VAX2: variants seen among roughly 807,000 people sequenced by gnomAD.
VAX2 encodes the protein ventral anterior homeobox 2.
Under a neutral mutation model 12.5 loss-of-function variants are expected in VAX2, and 8 were observed. The observed-to-expected ratio is 0.64, with a 90% CI of 0.37 to 1.15. The LOEUF (loss-of-function observed/expected upper bound fraction) is 1.15. Ranked by LOEUF, VAX2 falls within the 50% of genes most tolerant of loss-of-function variation. The pLI is 0.01. For synonymous variants in VAX2, 183 were observed against 187.6 expected (o/e 0.98, Z 0.20); for missense variants, 476 against 412.9 (o/e 1.15, Z -1.32).
intron 1 of VAX2, among the ~76,000 whole-genome samples, chr2:70,915,466 G>A (rs1553411829): frequency 6.6e-6 from 1 of 151,882 alleles, no homozygotes. Context: ...CTGACCTCAG[G>A]TGATCCACCT....
At chr2:70,920,190 G>A (rs1572894457) in intron 1 of VAX2, among the ~76,000 whole-genome samples, 1 of 152,182 alleles carries the variant, frequency 6.6e-6, no homozygotes, top group South Asian at 2.1e-4. Flanking sequence ...AATCCTACAG[G>A]ATGTGATGCT....
intron 2 of VAX2, among the ~76,000 whole-genome samples, chr2:70,927,681 T>C (rs1238668130): frequency 6.6e-6 from 1 of 152,018 alleles, no homozygotes; most frequent in African/African-American, 2.4e-5. Context: ...AATTCCTCTG[T>C]AGTCCTGGCA....
chr2:70,914,800 T>TA (rs200875607), intron 1 of VAX2, among the ~76,000 whole-genome samples: 3 of 139,918 alleles, frequency 2.1e-5, no homozygotes, highest in Admixed American at 7.3e-5. Flanking sequence ...GCTATTTACT[T>TA]AAATTTTTTT....
chr2:70,925,795 G>A (rs1303275857), intron 2 of VAX2, among the ~76,000 whole-genome samples: 1 of 152,172 alleles, frequency 6.6e-6, no homozygotes, highest in Non-Finnish European at 1.5e-5. Flanking sequence ...TTTTGGGCCC[G>A]AGGGATTCAG....
At position 70,932,755 on chromosome 2, in the gene VAX2, C is replaced by T; in HGVS notation, c.436-12C>T. ...CCATCTCCCTCCTTGACACCCCCTC[C>T]CCCACCCCAAGGTGAAGGTCTGGTT... On this transcript the variant is annotated splice_polypyrimidine_tract_variant and intron_variant, in intron 2 of 2. Transcript: ENST00000234392. The T allele has an allele frequency of 6.5e-7, 1 of 1,529,374 alleles. No homozygotes were observed. Among genetic ancestry groups the T allele is most frequent in the African/African-American group, 1.4e-5 (1 of 71,884 alleles). 94.7% of individuals were successfully genotyped at this position (1,529,374 alleles called of 1,614,324 possible).
At chr2:70,909,798 C>G (rs1212969345) in intron 1 of VAX2, among the ~76,000 whole-genome samples, 1 of 152,036 alleles carries the variant, frequency 6.6e-6, no homozygotes, top group African/African-American at 2.4e-5. Context: ...TTTAACTAGT[C>G]CTCTATTAAT....
intron 1 of VAX2, among the ~76,000 whole-genome samples, chr2:70,902,041 G>A (rs1328417797): frequency 6.6e-6 from 1 of 152,258 alleles, no homozygotes; most frequent in African/African-American, 2.4e-5. Context: ...GCCTGGGGAA[G>A]GCGAACAGGC....
chr2:70,923,225 C>T (rs1679498479), intron 2 of VAX2, among the ~76,000 whole-genome samples: 1 of 152,164 alleles, frequency 6.6e-6, no homozygotes, highest in African/African-American at 2.4e-5. Flanking sequence ...CTTCCTCTGT[C>T]CCCAGTCCTA....
intron 1 of VAX2, among the ~76,000 whole-genome samples, chr2:70,908,484 TG>T (rs1272611300): frequency 6.6e-5 from 10 of 152,256 alleles, no homozygotes; most frequent in Admixed American, 2.0e-4. Flanking sequence ...ACTTTTTGTT[TG>T]TTTTTTTTAT....
At chr2:70,931,887 C>T (rs574468760) in intron 2 of VAX2, among the ~76,000 whole-genome samples, 15 of 152,344 alleles carry the variant, frequency 9.8e-5, no homozygotes, top group African/African-American at 3.4e-4. Flanking sequence ...TTTTCTCTTG[C>T]CCCAGCCCTC....
In VAX2 at chr2:70,900,649, CG is replaced by C; in HGVS notation, c.32del (p.Gly11AlafsTer129). 7.8e-7 allele frequency: 1 copy of C among 1,278,172 alleles called. No individual in the cohort carries two copies. Among genetic ancestry groups the C allele is most frequent in the Non-Finnish European group, 9.9e-7 (1 of 1,012,350 alleles). The allele number at this position is 1,278,172 out of a possible 1,614,324, so 79.2% of individuals were successfully genotyped here. A position where few individuals can be genotyped will look rare whatever the true frequency, so the allele number is the denominator to read the frequency against. ...GGGCGATGGGGGCGCCGAGCGCGAC[CG>C]GGGCCCCGCGCGCCGGGCGGAGTCT... MGDGGAERD[R>X]GPARRAESGG... On this transcript the variant is annotated frameshift_variant, in exon 1 of 3. Coordinates refer to ENST00000234392, the MANE Select transcript of VAX2 (RefSeq NM_012476.3). LOFTEE classifies it high-confidence loss of function.
At position 70,914,805 on chromosome 2, in the gene VAX2, T is replaced by A. The variant is rs968387784; in HGVS notation, c.248-6293T>A. On this transcript the variant is annotated intron_variant, in intron 1 of 2. Coordinates refer to ENST00000234392, the MANE Select transcript of VAX2 (RefSeq NM_012476.3). The stretch of plus-strand genomic sequence containing the variant: ...ATTTTATCAGGCTATTTACTTAAAT[T>A]TTTTTTTTTTTTTTTGAGACAGAGT... 3.4e-3 allele frequency among the ~76,000 whole-genome samples: 291 copies of A among 86,438 alleles called. 6 individuals are homozygous for A. The highest frequency in any genetic ancestry group is 0.024 in the Middle Eastern group (4 of 164). 56.7% of individuals were successfully genotyped at this position (86,438 alleles called of 152,430 possible). A position where few individuals can be genotyped will look rare whatever the true frequency, so the allele number is the denominator to read the frequency against.
Position 70,912,268 on chromosome 2 carries a change from T to C in VAX2, c.248-8830T>C, listed in dbSNP as rs534715040. On this transcript the variant is annotated intron_variant, in intron 1 of 2. Coordinates refer to ENST00000234392, the MANE Select transcript of VAX2 (RefSeq NM_012476.3). Reference sequence around the variant, plus strand: ...GTTGACTATCCTTGCATTTTCAATGTTCCCAATAAACTTGAGAATGAATTT... The same window carrying C: ...GTTGACTATCCTTGCATTTTCAATGCTCCCAATAAACTTGAGAATGAATTT... 3.9e-5 allele frequency among the ~76,000 whole-genome samples: 6 copies of C among 152,344 alleles called. No individual in the cohort carries two copies. In the South Asian group the frequency reaches 1.2e-3, roughly 32 times the overall value.
intron 2 of VAX2, among the ~76,000 whole-genome samples, chr2:70,922,771 A>C (rs1679487330): frequency 6.6e-6 from 1 of 152,088 alleles, no homozygotes; most frequent in South Asian, 2.1e-4. Context: ...GCTCCCAAAC[A>C]ACCCTGCGGG....
Position 70,933,105 on chromosome 2 carries a change from G to C in VAX2, c.774G>C (p.Leu258=), listed in dbSNP as rs1261603914. The C allele has an allele frequency of 1.9e-6, 3 of 1,609,508 alleles. No homozygotes were observed. Among genetic ancestry groups the C allele is most frequent in the Non-Finnish European group, 2.5e-6 (3 of 1,178,296 alleles). The change falls in exon 3 of 3, where the codon CTG becomes CTC. Residue 258 remains leucine (L), a synonymous_variant. Transcript: ENST00000234392. ...VCFSSAPLLD[L]PAGYELGSSA... ...TTTCCTCGGCCCCGCTCCTGGATCTGCCTGCCGGCTACGAACTGGGTTCCT... is the reference window on the plus strand; with the variant it reads ...TTTCCTCGGCCCCGCTCCTGGATCTCCCTGCCGGCTACGAACTGGGTTCCT...
chr2:70,911,740 GAAT>G (rs1411248895), intron 1 of VAX2, among the ~76,000 whole-genome samples: 1 of 152,042 alleles, frequency 6.6e-6, no homozygotes, highest in East Asian at 1.9e-4. Flanking sequence ...CTTCTTCTCT[GAAT>G]AATTTGTTCG....
rs2234500 is a variant in VAX2 at position 70,933,092 on chromosome 2, C to G, written c.761C>G (p.Pro254Arg). Reference sequence around the variant, plus strand: ...CCAGCTGTCTGCTTTTCCTCGGCCCCGCTCCTGGATCTGCCTGCCGGCTAC... The same window carrying G: ...CCAGCTGTCTGCTTTTCCTCGGCCCGGCTCCTGGATCTGCCTGCCGGCTAC... ...PLPAVCFSSA[P>R]LLDLPAGYEL... The change falls in exon 3 of 3, where the codon CCG (proline) becomes CGG (arginine). Residue 254 changes from proline to arginine, a missense_variant. Transcript: ENST00000234392. 0.1 allele frequency: 166,440 copies of G among 1,609,712 alleles called. 10,290 individuals carry two copies. Among genetic ancestry groups the G allele is most frequent in the East Asian group, 0.21 (9,448 of 44,662 alleles).
Position 70,933,326 on chromosome 2 carries a change from G to GC in VAX2, c.*128dup, listed in dbSNP as rs1641735871. The GC allele has an allele frequency of 2.0e-6, 2 of 1,014,050 alleles. No homozygotes were observed. The highest frequency in any genetic ancestry group is 2.6e-6 in the Non-Finnish European group (2 of 755,374). 62.8% of individuals were successfully genotyped at this position (1,014,050 alleles called of 1,614,324 possible). ...TGCAGCCACACACTCTTCCCCACCT[G>GC]CCCCCCAGCTCAGAGACTCGTGACC... On this transcript the variant is annotated 3_prime_UTR_variant, in exon 3 of 3. Transcript: ENST00000234392.
chr2:70,908,185 G>A (rs969739893), intron 1 of VAX2, among the ~76,000 whole-genome samples: 3 of 152,184 alleles, frequency 2.0e-5, no homozygotes, highest in African/African-American at 7.2e-5. Context: ...TTGTAAAATA[G>A]ATAATTAATT....
Sources: allele counts gnomAD v4.1 joint callset (sites outside exome capture counted in the v4.1 genomes callset), GRCh38; gene constraint gnomAD v4.1.1; transcripts MANE v1.5; gene names NCBI Gene and HGNC (gene_info 2026-07-23, HGNC 2026-07-21).